Variants in ATP2B2 observed in about 807,000 individuals in gnomAD.
ATP2B2 encodes ATPase plasma membrane Ca2+ transporting 2.
ATP2B2 carries 15 observed loss-of-function variants against 120.0 expected under a neutral mutation model. That is an observed-to-expected ratio of 0.12 (90% CI 0.08 to 0.19). ATP2B2 has a LOEUF of 0.19. Among genes scored for constraint, ATP2B2 ranks in the 10% least tolerant of loss-of-function variants. The probability of loss-of-function intolerance (pLI) is 1.00; values close to 1 mark genes in which losing one functional copy is unlikely to be tolerated. For synonymous variants in ATP2B2, 694 were observed against 700.3 expected, an observed-to-expected ratio of 0.99 and a Z score of 0.14; for missense variants, 1,045 against 1,719.8, an observed-to-expected ratio of 0.61 and a Z score of 6.94.
chr3:10,615,128 A>T (rs1197465003), intron 2 of ATP2B2, among the ~76,000 whole-genome samples: 1 of 152,098 alleles, frequency 6.6e-6, no homozygotes, highest in Non-Finnish European at 1.5e-5. Context: ...AAGCACCCTA[A>T]ACCACTATTG....
intron 2 of ATP2B2, among the ~76,000 whole-genome samples, chr3:10,613,732 T>G (rs2069304188): frequency 6.6e-6 from 1 of 151,994 alleles, no homozygotes; most frequent in African/African-American, 2.4e-5. Context: ...TTCTCCCTGC[T>G]TCCGCCCTTG....
chr3:10,478,222 G>T (rs1000299863), intron 1 of ATP2B2, among the ~76,000 whole-genome samples: 1 of 152,172 alleles, frequency 6.6e-6, no homozygotes, highest in African/African-American at 2.4e-5. Flanking sequence ...GAACTGGGTT[G>T]TCTTTTTGTT....
chr3:10,545,846 C>T (rs1467935977), intron 2 of ATP2B2, among the ~76,000 whole-genome samples: 1 of 152,122 alleles, frequency 6.6e-6, no homozygotes, highest in Non-Finnish European at 1.5e-5. Context: ...TATCAAAAAA[C>T]ATGTTTTCAA....
chr3:10,653,602 A>C (rs1163215712), intron 1 of ATP2B2, among the ~76,000 whole-genome samples: 1 of 152,184 alleles, frequency 6.6e-6, no homozygotes, highest in African/African-American at 2.4e-5. Context: ...GTCACTCACC[A>C]ACGAGTATTT....
At chr3:10,534,347 A>C (rs906623990) in intron 2 of ATP2B2, among the ~76,000 whole-genome samples, 1 of 152,220 alleles carries the variant, frequency 6.6e-6, no homozygotes, top group African/African-American at 2.4e-5. Flanking sequence ...CCATCTCAGG[A>C]GTGCAAGTCC....
At chr3:10,475,799 A>G (rs955433059) in intron 1 of ATP2B2, among the ~76,000 whole-genome samples, 10 of 152,202 alleles carry the variant, frequency 6.6e-5, no homozygotes, top group African/African-American at 2.2e-4. Flanking sequence ...CCCGTCTGCA[A>G]TGCCTCATGC....
chr3:10,482,527 G>A (rs974229787), intron 1 of ATP2B2, among the ~76,000 whole-genome samples: 1 of 152,204 alleles, frequency 6.6e-6, no homozygotes, highest in Admixed American at 6.5e-5. Flanking sequence ...GTGAGGAGAA[G>A]GGGAGAGAGG....
intron 7 of ATP2B2, among the ~76,000 whole-genome samples, chr3:10,385,663 T>G (rs1035409681): frequency 6.6e-6 from 1 of 152,124 alleles, no homozygotes; most frequent in African/African-American, 2.4e-5. Context: ...GAGGGCTCCA[T>G]GAAATGAGGA....
chr3:10,583,470 G>A (rs1344182060), intron 2 of ATP2B2, among the ~76,000 whole-genome samples: 1 of 152,170 alleles, frequency 6.6e-6, no homozygotes, highest in Admixed American at 6.5e-5. Flanking sequence ...AGCCTGAGCA[G>A]GTATAGATCC....
chr3:10,612,910 G>GT (rs915370290), intron 2 of ATP2B2, among the ~76,000 whole-genome samples: 22 of 152,306 alleles, frequency 1.4e-4, no homozygotes, highest in African/African-American at 5.3e-4. Context: ...CATGGTAGGA[G>GT]TATCTTTGTT....
chr3:10,520,493 C>T lies in ATP2B2; in HGVS notation c.-320+13546G>A, dbSNP rs564181453. Reference sequence around the variant, plus strand: ...CTTTTACTTTTTTTTTGTTTTGAGACAGAGTCTCATTCTGTCACCCAGGCT... The same window carrying T: ...CTTTTACTTTTTTTTTGTTTTGAGATAGAGTCTCATTCTGTCACCCAGGCT... On this transcript the variant is annotated intron_variant, in intron 3 of 21. Coordinates refer to the ATP2B2 transcript ENST00000646379. Among the ~76,000 whole-genome samples, 290 of 152,226 alleles carry T rather than the reference C, an allele frequency of 1.9e-3. 1 individual carries two copies. The highest frequency in any genetic ancestry group is 2.8e-3 in the Non-Finnish European group (188 of 68,024).
chr3:10,555,410 T>G (rs1041453189), intron 2 of ATP2B2, among the ~76,000 whole-genome samples: 4 of 152,206 alleles, frequency 2.6e-5, no homozygotes, highest in African/African-American at 9.6e-5. Flanking sequence ...CCTAGAAAAC[T>G]CCTATGTATC....
chr3:10,669,436 C>A (rs1442821292), intron 1 of ATP2B2, among the ~76,000 whole-genome samples: 4 of 152,180 alleles, frequency 2.6e-5, no homozygotes, highest in Non-Finnish European at 5.9e-5. Context: ...CCTTTCTCCT[C>A]ACCTCCCAGC....
Position 10,329,210 on chromosome 3 carries a change from A to G in ATP2B2, c.3421-85T>C, listed in dbSNP as rs1293678579. The G allele has an allele frequency of 1.6e-6, 2 of 1,246,708 alleles. No homozygotes were observed. The highest frequency in any genetic ancestry group is 1.5e-5 in the African/African-American group (1 of 67,496). 77.2% of individuals were successfully genotyped at this position (1,246,708 alleles called of 1,614,324 possible). ...GCTCACAGGAGGGGCGGGTGGGAGA[A>G]GGGTTAGGGCAAAGCAGGTGGCTGG... On this transcript the variant is annotated intron_variant, in intron 22 of 22. Coordinates refer to ENST00000360273, the MANE Select transcript of ATP2B2 (RefSeq NM_001001331.4). The surrounding 1 kb of genome is among the most constrained non-coding windows in gnomAD (Gnocchi z 5.9).
chr3:10,531,541 T>A (rs1020277255), intron 3 of ATP2B2, among the ~76,000 whole-genome samples: 1 of 152,196 alleles, frequency 6.6e-6, no homozygotes, highest in Non-Finnish European at 1.5e-5. Flanking sequence ...TTAAAGCATT[T>A]AGAACAGGCC....
At chr3:10,603,767 C>T (rs879270564) in intron 2 of ATP2B2, among the ~76,000 whole-genome samples, 1 of 152,058 alleles carries the variant, frequency 6.6e-6, no homozygotes, top group Non-Finnish European at 1.5e-5. Flanking sequence ...TCTGGCATTA[C>T]ATATCAATCC....
chr3:10,364,203 T>C (rs996999742), intron 12 of ATP2B2, among the ~76,000 whole-genome samples: 2 of 152,214 alleles, frequency 1.3e-5, no homozygotes, highest in East Asian at 1.9e-4. Context: ...GAAAGGAGAA[T>C]GGTGGGTGCC....
intron 1 of ATP2B2, among the ~76,000 whole-genome samples, chr3:10,638,965 G>C (rs920968879): frequency 1.3e-5 from 2 of 152,180 alleles, no homozygotes; most frequent in Non-Finnish European, 1.5e-5. Context: ...CGCAAATATT[G>C]ATGGAAAACA....
Position 10,600,175 on chromosome 3 carries a change from G to A in ATP2B2, c.-415+19742C>T, listed in dbSNP as rs78596449. 4.9e-3 allele frequency among the ~76,000 whole-genome samples: 753 copies of A among 152,342 alleles called. 9 individuals carry two copies. Among genetic ancestry groups the A allele is most frequent in the African/African-American group, 0.017 (709 of 41,568 alleles). ...ACTAGCTCTGCCCTGAGCCCCTGCTGGGCCTGTGTAAAATCAGAAAATATC... is the reference window on the plus strand; with the variant it reads ...ACTAGCTCTGCCCTGAGCCCCTGCTAGGCCTGTGTAAAATCAGAAAATATC... On this transcript the variant is annotated intron_variant, in intron 2 of 21. Transcript: ENST00000646379.
Sources: gnomAD v4.1 joint callset for allele counts (sites outside exome capture counted in the v4.1 genomes callset) on GRCh38, gnomAD v4.1.1 for gene constraint, Gnocchi (gnomAD v3.1) non-coding constraint, MANE v1.5 for transcripts, NCBI Gene and HGNC (gene_info 2026-07-23, HGNC 2026-07-21) for gene names.